The following ADCK2 variants were observed in gnomAD, a reference collection of about 807,000 sequenced individuals.
The protein encoded by ADCK2 is aarF domain containing kinase 2.
In ADCK2, 37 loss-of-function variants were observed where a neutral mutation model predicts 52.3. The observed-to-expected ratio is 0.71, with a 90% CI of 0.54 to 0.93. ADCK2 has a LOEUF of 0.93. Among genes scored for constraint, ADCK2 ranks in the 40% least tolerant of loss-of-function variants. ADCK2 has a pLI of 0.00. For missense variants in ADCK2, 695 were observed against 798.7 expected, an observed-to-expected ratio of 0.87 and a Z score of 1.56; for synonymous variants, 321 against 349.2, an observed-to-expected ratio of 0.92 and a Z score of 0.90.
At chr7:140,683,246 C>T (rs1276628064) in intron 4 of ADCK2, among the ~76,000 whole-genome samples, 1 of 152,142 alleles carries the variant, frequency 6.6e-6, no homozygotes. Flanking sequence ...GATCACAGCA[C>T]TGCACTCCAG....
rs757604223 is a variant in ADCK2, at chr7:140,673,800, A to T, written c.470A>T (p.Asp157Val). The T allele has an allele frequency of 1.7e-5, 28 of 1,612,524 alleles. No individual in the cohort carries two copies. In the South Asian group the frequency reaches 1.9e-4, roughly 11 times the overall value. The change falls in exon 1 of 8, where the codon GAT becomes GTT. Residue 157 changes from aspartate (D) to valine (V), a missense_variant. By Grantham distance (152) the Asp-to-Val change is radical. Coordinates refer to ENST00000072869, the MANE Select transcript of ADCK2 (RefSeq NM_052853.4). The surrounding 1 kb of genome is among the most constrained non-coding windows in gnomAD (Gnocchi z 6.4). ...KLGQWASTRR[D>V]LFSEAFCAQF... is the part of the protein sequence containing the mutation. Reference sequence around the variant, plus strand: ...GGCCAGTGGGCCAGCACCCGGCGCGATCTGTTTTCGGAGGCTTTCTGTGCC... The same window carrying T: ...GGCCAGTGGGCCAGCACCCGGCGCGTTCTGTTTTCGGAGGCTTTCTGTGCC...
In ADCK2 at chr7:140,695,089, G is replaced by A. The variant is rs1585858922; in HGVS notation, c.*286G>A. 19 of 1,161,994 alleles carry A rather than the reference G, an allele frequency of 1.6e-5. No homozygotes were observed. In the East Asian group the frequency reaches 1.8e-4, roughly 11 times the overall value. The allele number at this position is 1,161,994 out of a possible 1,614,324, so 72.0% of individuals were successfully genotyped here. On this transcript the variant is annotated 3_prime_UTR_variant, in exon 8 of 8. Coordinates refer to ENST00000072869, the MANE Select transcript of ADCK2 (RefSeq NM_052853.4). ...GGGAAAATGTTATGTGGAGGAGGAC[G>A]AATAAATTTATTTTGTTTTCCTGTT...
At position 140,690,674 on chromosome 7, in the gene ADCK2, C is replaced by T. The variant is rs796325524; in HGVS notation, c.1687-86C>T. ...CCTGGCGGGGGAGTGGGGTGGGATG[C>T]TGGGGCTGAGAGTGTGGGGGTGGTG... On this transcript the variant is annotated intron_variant, in intron 6 of 7. Transcript: ENST00000072869. The T allele has an allele frequency of 3.8e-5, 48 of 1,252,674 alleles. 1 individual carries two copies. In the African/African-American group the frequency reaches 7.6e-4, roughly 20 times the overall value. The allele number at this position is 1,252,674 out of a possible 1,614,324, so 77.6% of individuals were successfully genotyped here.
chr7:140,690,789 C>T lies in ADCK2; in HGVS notation c.1716C>T (p.Val572=). 1.9e-6 allele frequency: 3 copies of T among 1,613,398 alleles called. No homozygotes were observed. Among genetic ancestry groups the T allele is most frequent in the Non-Finnish European group, 2.5e-6 (3 of 1,179,888 alleles). ...KLHVSSLLSS[V]FKLLMTHKVK... The stretch of plus-strand genomic sequence containing the variant: ...ATGTGTCCAGCCTTCTCTCTAGTGT[C>T]TTTAAGTTGCTGATGACTCACAAGG... The change falls in exon 7 of 8, where the codon GTC becomes GTT. Residue 572 remains valine (V), a synonymous_variant. Coordinates refer to ENST00000072869, the MANE Select transcript of ADCK2 (RefSeq NM_052853.4).
Position 140,694,922 on chromosome 7 carries a change from G to C in ADCK2, c.*119G>C. 6.9e-7 allele frequency: 1 copy of C among 1,444,498 alleles called. No homozygotes were observed. 89.5% of individuals were successfully genotyped at this position (1,444,498 alleles called of 1,614,324 possible). ...CCAATTTCAAATGTAACCCTCCAGT[G>C]GTGGAAGGCACACCATGGCTTCCTC... On this transcript the variant is annotated 3_prime_UTR_variant, in exon 8 of 8. Transcript: ENST00000072869.
chr7:140,673,855 GC>G lies in ADCK2; in HGVS notation c.529del (p.His177ThrfsTer74). The G allele has an allele frequency of 6.2e-7, 1 of 1,613,948 alleles. No individual in the cohort carries two copies. Among genetic ancestry groups the G allele is most frequent in the South Asian group, 1.1e-5 (1 of 91,088 alleles). ...TTTCCAAGCTGCATGTCCGAGTGACGCCCCACCCGTGGACTCACACTGAGCG... is the reference window on the plus strand; with the variant it reads ...TTTCCAAGCTGCATGTCCGAGTGACGCCCACCCGTGGACTCACACTGAGCG... ...QFSKLHVRVT[P>X]HPWTHTERFL... On this transcript the variant is annotated frameshift_variant, in exon 1 of 8. Coordinates refer to ENST00000072869, the MANE Select transcript of ADCK2 (RefSeq NM_052853.4). LOFTEE classifies it high-confidence loss of function. The surrounding 1 kb of genome is among the most constrained non-coding windows in gnomAD (Gnocchi z 6.4).
chr7:140,687,298 G>A lies in ADCK2; in HGVS notation c.1557+57G>A, dbSNP rs552423460. On this transcript the variant is annotated intron_variant, in intron 5 of 7. Transcript: ENST00000072869. ...TGAATTTTTTTTAATTAAAAGAGCT[G>A]GTGAAGCATGGTGGCTCAGACCTGT... The A allele has an allele frequency of 1.3e-5, 19 of 1,491,778 alleles. No homozygotes were observed. In the East Asian group the frequency reaches 4.2e-4, roughly 33 times the overall value. The allele number at this position is 1,491,778 out of a possible 1,614,324, so 92.4% of individuals were successfully genotyped here.
chr7:140,687,311 G>A, intron 5 of ADCK2, 70 bp downstream of exon 5: 2 of 1,482,926 alleles, frequency 1.3e-6, no homozygotes, highest in South Asian at 1.4e-5. Flanking sequence ...GAAGCATGGT[G>A]GCTCAGACCT....
At chr7:140,682,684 C>A (rs571783627) in intron 4 of ADCK2, among the ~76,000 whole-genome samples, 5 of 151,966 alleles carry the variant, frequency 3.3e-5, no homozygotes, top group Admixed American at 3.3e-4. Flanking sequence ...TCCCAGTGCC[C>A]AGATTAAAAC....
At chr7:140,681,838 C>G (rs1794522460) in intron 4 of ADCK2, among the ~76,000 whole-genome samples, 1 of 151,820 alleles carries the variant, frequency 6.6e-6, no homozygotes, top group African/African-American at 2.4e-5. Context: ...CCAGGGCAGT[C>G]TTGAACTCCT....
At chr7:140,686,902 GCTTATTGTCAC>G in intron 4 of ADCK2, 77 bp from the exon 5 acceptor site, 1 of 1,541,272 alleles carries the variant, frequency 6.5e-7, no homozygotes, top group Non-Finnish European at 8.8e-7. Flanking sequence ...AGTGCTGGGA[GCTTATTGTCAC>G]CTGGCAACTT....
intron 4 of ADCK2, among the ~76,000 whole-genome samples, chr7:140,683,129 T>C (rs1237849696): frequency 6.6e-6 from 1 of 151,544 alleles, no homozygotes; most frequent in African/African-American, 2.4e-5. Flanking sequence ...GGTGAAACCC[T>C]GTCTCTACTA....
At chr7:140,682,721 G>A (rs1034554179) in intron 4 of ADCK2, among the ~76,000 whole-genome samples, 10 of 151,764 alleles carry the variant, frequency 6.6e-5, no homozygotes, top group Admixed American at 1.3e-4. Context: ...TGGGTGCAGT[G>A]GCTCACACCT....
rs1370913642 is a variant in ADCK2 at position 140,678,148 on chromosome 7, C to T, written c.1081-1007C>T. 2.6e-5 allele frequency among the ~76,000 whole-genome samples: 4 copies of T among 152,244 alleles called. No individual in the cohort carries two copies. The highest frequency in any genetic ancestry group is 1.9e-4 in the East Asian group (1 of 5,152). The stretch of plus-strand genomic sequence containing the variant: ...TCAGGTGACTGGACCTGAGGGCATG[C>T]GCCTTGGGAGTGGCATTGGGGGACA... On this transcript the variant is annotated intron_variant, in intron 2 of 7. Transcript: ENST00000072869. This position sits in a 1 kb window ranked among gnomAD's most constrained non-coding sequence, Gnocchi z 4.9.
Position 140,673,358 on chromosome 7 carries a change from A to G in ADCK2, c.28A>G (p.Arg10Gly), listed in dbSNP as rs994039173. 25 of 1,479,260 alleles carry G rather than the reference A, an allele frequency of 1.7e-5. No homozygotes were observed. Among genetic ancestry groups the G allele is most frequent in the Non-Finnish European group, 2.2e-5 (25 of 1,113,620 alleles). The allele number at this position is 1,479,260 out of a possible 1,614,324, so 91.6% of individuals were successfully genotyped here. A position where few individuals can be genotyped will look rare whatever the true frequency, so the allele number is the denominator to read the frequency against. The change falls in exon 1 of 8, where the codon AGG (arginine) becomes GGG (glycine). Residue 10 changes from arginine to glycine, a missense_variant. By Grantham distance (125) the Arg-to-Gly change is moderately radical. Transcript: ENST00000072869. The surrounding 1 kb of genome is among the most constrained non-coding windows in gnomAD (Gnocchi z 6.4). MVAPWRVSV[R>G]VCLSHLRCFE... is the part of the protein sequence containing the mutation. ...GGTGGCGCCCTGGCGCGTCTCCGTC[A>G]GGGTTTGCCTGTCGCACCTGAGGTG...
At position 140,681,142 on chromosome 7, in the gene ADCK2, G is replaced by A. The variant is rs372153238; in HGVS notation, c.1305+5G>A. The A allele has an allele frequency of 2.4e-5, 39 of 1,613,864 alleles. No homozygotes were observed. Among genetic ancestry groups the A allele is most frequent in the Middle Eastern group, 1.6e-4 (1 of 6,080 alleles). On this transcript the variant is annotated splice_donor_5th_base_variant and intron_variant, in intron 4 of 7. Coordinates refer to ENST00000072869, the MANE Select transcript of ADCK2 (RefSeq NM_052853.4). ...ATCAACATGCTCCTGAAGATGGTGA[G>A]CTCATGGCTGGAGCGGGCTCAGGCC...
In ADCK2 at chr7:140,684,112, G is replaced by A. The variant is rs1430307074; in HGVS notation, c.1306-2878G>A. On this transcript the variant is annotated intron_variant, in intron 4 of 7. Coordinates refer to ENST00000072869, the MANE Select transcript of ADCK2 (RefSeq NM_052853.4). ...CCATGTTGGTGTTGGAGAGGCAGAG[G>A]GGTATTTTGCCTATCTGCAGTGTAG... Among the ~76,000 whole-genome samples, 5 of 152,148 alleles carry A rather than the reference G, an allele frequency of 3.3e-5. No individual in the cohort carries two copies. In the East Asian group the frequency reaches 9.6e-4, roughly 29 times the overall value.
chr7:140,694,631 C>T, intron 7 of ADCK2, 32 bp from the exon 8 acceptor site: 1 of 1,602,928 alleles, frequency 6.2e-7, no homozygotes, highest in Non-Finnish European at 8.5e-7. Flanking sequence ...TCAGCATGTT[C>T]TGAGATGAAC....
intron 4 of ADCK2, among the ~76,000 whole-genome samples, chr7:140,682,158 G>A (rs1237687863): frequency 1.3e-5 from 2 of 152,234 alleles, no homozygotes; most frequent in African/African-American, 4.8e-5. Flanking sequence ...CAATGCTCGT[G>A]ACATACTATT....
Sources: allele counts gnomAD v4.1 joint callset (sites outside exome capture counted in the v4.1 genomes callset), GRCh38; gene constraint gnomAD v4.1.1; non-coding constraint Gnocchi (gnomAD v3.1); transcripts MANE v1.5; gene names NCBI Gene and HGNC (gene_info 2026-07-23, HGNC 2026-07-21).